UBXN2A: variants seen among roughly 807,000 people sequenced by gnomAD.
UBXN2A encodes the protein UBX domain-containing protein 2A.
UBXN2A carries 28 observed loss-of-function variants against 28.4 expected under a neutral mutation model. The ratio of observed to expected loss-of-function variants is 0.99; its 90% CI spans 0.73 to 1.35. The LOEUF (loss-of-function observed/expected upper bound fraction) is 1.35. Among genes scored for constraint, UBXN2A ranks in the 40% most tolerant of loss-of-function variants. The pLI is 0.00. For synonymous variants in UBXN2A, 97 were observed against 103.6 expected (o/e 0.94, Z 0.39); for missense variants, 253 against 297.9 (o/e 0.85, Z 1.11).
rs976348129 is a variant in UBXN2A at position 23,950,137 on chromosome 2, A to G, written c.-14-8164A>G. Among the ~76,000 whole-genome samples, 8 of 152,100 alleles carry G rather than the reference A, an allele frequency of 5.3e-5. No homozygotes were observed. The East Asian group carries it at 1.5e-3, about 29-fold the overall frequency. The stretch of plus-strand genomic sequence containing the variant: ...ATGTCAGATCTGGTAAAGAGAGTGA[A>G]AAGAAACAGTAATAAGCAATATCAC... On this transcript the variant is annotated intron_variant, in intron 1 of 6. Transcript: ENST00000309033.
At chr2:23,954,775 A>G (rs1269899197) in intron 1 of UBXN2A, among the ~76,000 whole-genome samples, 1 of 146,194 alleles carries the variant, frequency 6.8e-6, no homozygotes. Context: ...TTTTTTTTTA[A>G]GAGACAGATT....
At chr2:23,970,072 A>C (rs1446197890) in intron 2 of UBXN2A, among the ~76,000 whole-genome samples, 1 of 152,092 alleles carries the variant, frequency 6.6e-6, no homozygotes, top group Non-Finnish European at 1.5e-5. Flanking sequence ...CAGGCACATC[A>C]CTGGAGCCCA....
intron 3 of UBXN2A, among the ~76,000 whole-genome samples, chr2:23,974,760 T>C (rs1370764493): frequency 6.6e-6 from 1 of 152,188 alleles, no homozygotes; most frequent in Non-Finnish European, 1.5e-5. Flanking sequence ...GGTGAATCAC[T>C]TGAGGCCAGG....
At chr2:23,966,144 CT>C (rs960703496) in intron 2 of UBXN2A, among the ~76,000 whole-genome samples, 228 of 145,200 alleles carry the variant, frequency 1.6e-3, no homozygotes, top group Admixed American at 1.8e-3. Context: ...TAGTTATTTT[CT>C]TTTTTTTTTT....
At chr2:23,943,792 A>G (rs1351044906) in intron 1 of UBXN2A, 1 of 262,632 alleles carries the variant, frequency 3.8e-6, no homozygotes. Flanking sequence ...TGCCCAGCTA[A>G]AGGAGATTAT....
At chr2:23,927,635 G>T (rs534538387) in intron 1 of UBXN2A, 2 of 123,512 alleles carry the variant, frequency 1.6e-5, no homozygotes, top group Non-Finnish European at 3.6e-5. Flanking sequence ...AGAAGAGAAG[G>T]GGGGGGGGAA....
At chr2:23,977,169 G>A in intron 4 of UBXN2A, 94 bp downstream of exon 4, 1 of 946,400 alleles carries the variant, frequency 1.1e-6, no homozygotes. Flanking sequence ...TTCAAGGCCA[G>A]CCGGGGAACA....
At chr2:23,962,641 T>C (rs1349333068) in intron 2 of UBXN2A, among the ~76,000 whole-genome samples, 1 of 150,710 alleles carries the variant, frequency 6.6e-6, no homozygotes, top group Non-Finnish European at 1.5e-5. Flanking sequence ...GTTTCGCTCT[T>C]GTTGCCCAGG....
chr2:23,965,340 T>C (rs1291800018), intron 2 of UBXN2A, among the ~76,000 whole-genome samples: 1 of 152,234 alleles, frequency 6.6e-6, no homozygotes, highest in Non-Finnish European at 1.5e-5. Context: ...AAATATGATG[T>C]TAGATGTAGG....
chr2:23,986,639 C>T (rs1227218611), intron 6 of UBXN2A, among the ~76,000 whole-genome samples: 1 of 143,170 alleles, frequency 7.0e-6, no homozygotes, highest in East Asian at 2.1e-4. Context: ...GAGACGGGGT[C>T]TTCTGCCACC....
chr2:23,965,547 C>T (rs1707126774), intron 2 of UBXN2A, among the ~76,000 whole-genome samples: 1 of 152,152 alleles, frequency 6.6e-6, no homozygotes, highest in Non-Finnish European at 1.5e-5. Flanking sequence ...CCACTGCAGC[C>T]TCGCATACCT....
At chr2:23,974,154 A>G (rs1469836465) in intron 3 of UBXN2A, among the ~76,000 whole-genome samples, 1 of 148,950 alleles carries the variant, frequency 6.7e-6, no homozygotes, top group African/African-American at 2.5e-5. Context: ...AGTTGGGACT[A>G]CAGGTGACCA....
At chr2:23,964,471 A>G (rs1450322432) in intron 2 of UBXN2A, among the ~76,000 whole-genome samples, 3 of 152,164 alleles carry the variant, frequency 2.0e-5, no homozygotes, top group African/African-American at 4.8e-5. Flanking sequence ...CGACCTCCCA[A>G]AGTACTGGGA....
chr2:23,953,580 T>C (rs980869784), intron 1 of UBXN2A, among the ~76,000 whole-genome samples: 21 of 152,158 alleles, frequency 1.4e-4, no homozygotes, highest in Middle Eastern at 3.4e-3. Flanking sequence ...CTTTCATAAC[T>C]TTTTTTTACG....
At chr2:23,952,592 G>A (rs577509503) in intron 1 of UBXN2A, among the ~76,000 whole-genome samples, 11 of 152,124 alleles carry the variant, frequency 7.2e-5, no homozygotes, top group Non-Finnish European at 8.8e-5. Context: ...TTACAGGTGC[G>A]TGCTACCACG....
intron 6 of UBXN2A, among the ~76,000 whole-genome samples, chr2:23,997,382 A>G (rs754134574): frequency 3.9e-5 from 6 of 152,240 alleles, no homozygotes; most frequent in Non-Finnish European, 7.3e-5. Context: ...AGCAATTTAC[A>G]TAAGCACATC....
intron 1 of UBXN2A, chr2:23,944,476 G>A: frequency 7.5e-6 from 5 of 663,890 alleles, no homozygotes; most frequent in Non-Finnish European, 1.4e-5. Flanking sequence ...TGCGCTTTCA[G>A]ATCCCCTTGG....
intron 1 of UBXN2A, among the ~76,000 whole-genome samples, chr2:23,946,212 A>G (rs1047875906): frequency 3.3e-5 from 5 of 151,886 alleles, no homozygotes; most frequent in Admixed American, 1.3e-4. Context: ...GGAGTGCAGT[A>G]GTGCAATCTC....
chr2:23,974,032 T>TTTTTC (rs776262620), intron 3 of UBXN2A, among the ~76,000 whole-genome samples: 1 of 151,242 alleles, frequency 6.6e-6, no homozygotes, highest in Non-Finnish European at 1.5e-5. Context: ...TTTTTTTTTT[T>TTTTTC]GAGACGGAGT....
Sources: gnomAD v4.1 joint callset for allele counts (sites outside exome capture counted in the v4.1 genomes callset) on GRCh38, gnomAD v4.1.1 for gene constraint, MANE v1.5 for transcripts, NCBI Gene and HGNC (gene_info 2026-07-23, HGNC 2026-07-21) for gene names.